HS6ST3: variants seen among roughly 807,000 people sequenced by gnomAD.
The protein encoded by HS6ST3 is heparan sulfate 6-O-sulfotransferase 3, also known as heparan-sulfate 6-O-sulfotransferase 3.
In HS6ST3, 12 loss-of-function variants were observed where a neutral mutation model predicts 36.7. The ratio of observed to expected loss-of-function variants is 0.33; its 90% CI spans 0.21 to 0.53. The LOEUF (loss-of-function observed/expected upper bound fraction) is 0.53, where lower values mean the gene tolerates loss of function less well. HS6ST3 is among the 20% of genes least tolerant of loss of function. The pLI, the probability that HS6ST3 is intolerant of heterozygous loss-of-function variation, is 0.95. For synonymous variants in HS6ST3, 240 were observed against 257.5 expected (o/e 0.93, Z 0.65); for missense variants, 584 against 640.9 (o/e 0.91, Z 0.96).
chr13:96,206,736 TG>T (rs1384837879), intron 1 of HS6ST3, among the ~76,000 whole-genome samples: 2 of 152,216 alleles, frequency 1.3e-5, no homozygotes, highest in African/African-American at 4.8e-5. Context: ...TAAATGGTGC[TG>T]GGACAACTGG....
intron 1 of HS6ST3, among the ~76,000 whole-genome samples, chr13:96,197,593 A>C (rs531487038): frequency 6.6e-6 from 1 of 152,222 alleles, no homozygotes; most frequent in African/African-American, 2.4e-5. Flanking sequence ...ATCTGAGACA[A>C]GGCAAGTCCC....
Position 96,514,136 on chromosome 13 carries a change from G to A in HS6ST3, c.708-318354G>A, listed in dbSNP as rs144347614. Among the ~76,000 whole-genome samples the A allele has an allele frequency of 1.4e-4, 21 of 152,198 alleles. No homozygotes were observed. In the East Asian group the frequency reaches 2.9e-3, roughly 21 times the overall value. On this transcript the variant is annotated intron_variant, in intron 1 of 1. Transcript: ENST00000376705. ...AAATGGTCGCTGTGGATGTGGTATC[G>A]AGAGTAGAGGAACAAGAGCAGAAGA... is the stretch of plus-strand genomic sequence containing the variant.
intron 1 of HS6ST3, among the ~76,000 whole-genome samples, chr13:96,766,625 G>A (rs1167896747): frequency 6.6e-6 from 1 of 152,152 alleles, no homozygotes; most frequent in African/African-American, 2.4e-5. Context: ...AAGAATTGCA[G>A]TTTTCTCTGA....
At chr13:96,729,885 AC>A (rs1876102729) in intron 1 of HS6ST3, among the ~76,000 whole-genome samples, 1 of 152,098 alleles carries the variant, frequency 6.6e-6, no homozygotes, top group Admixed American at 6.5e-5. Context: ...CTTTCCAGTT[AC>A]CTCTTCATTT....
At chr13:96,613,723 G>A (rs1189802002) in intron 1 of HS6ST3, among the ~76,000 whole-genome samples, 1 of 152,008 alleles carries the variant, frequency 6.6e-6, no homozygotes, top group African/African-American at 2.4e-5. Flanking sequence ...CACTGCTATT[G>A]TAAACTCAGC....
chr13:96,561,435 G>C (rs967567582), intron 1 of HS6ST3, among the ~76,000 whole-genome samples: 3 of 152,044 alleles, frequency 2.0e-5, no homozygotes, highest in Non-Finnish European at 4.4e-5. Context: ...AAGAATCCTA[G>C]AAGAAAGCCT....
At chr13:96,266,444 A>G (rs562482958) in intron 1 of HS6ST3, among the ~76,000 whole-genome samples, 1 of 152,330 alleles carries the variant, frequency 6.6e-6, no homozygotes, top group Non-Finnish European at 1.5e-5. Context: ...ACAGCAAGTT[A>G]CTTTTTGTTG....
intron 1 of HS6ST3, among the ~76,000 whole-genome samples, chr13:96,559,272 C>G (rs113150489): frequency 6.6e-6 from 1 of 151,992 alleles, no homozygotes; most frequent in Admixed American, 6.6e-5. Context: ...GCCCCCCCCA[C>G]CACACGTGGC....
chr13:96,350,109 G>T (rs2055174615), intron 1 of HS6ST3, among the ~76,000 whole-genome samples: 1 of 152,180 alleles, frequency 6.6e-6, no homozygotes, highest in South Asian at 2.1e-4. Flanking sequence ...AAATTTCCTT[G>T]CCCAGATTGC....
chr13:96,488,435 TTA>T (rs1312359565), intron 1 of HS6ST3, among the ~76,000 whole-genome samples: 3 of 152,118 alleles, frequency 2.0e-5, no homozygotes, highest in Non-Finnish European at 4.4e-5. Flanking sequence ...GGTAGTTGTA[TTA>T]TATATCAAGG....
intron 1 of HS6ST3, among the ~76,000 whole-genome samples, chr13:96,662,701 A>G (rs1313989018): frequency 2.6e-5 from 4 of 152,134 alleles, no homozygotes; most frequent in Non-Finnish European, 5.9e-5. Flanking sequence ...CAATCTTTTA[A>G]TGGTGCCAGA....
chr13:96,283,470 C>T (rs539733818), intron 1 of HS6ST3, among the ~76,000 whole-genome samples: 1 of 152,244 alleles, frequency 6.6e-6, no homozygotes, highest in Admixed American at 6.5e-5. Flanking sequence ...ACCTGTGAAT[C>T]CCCCCTTCCA....
chr13:96,668,526 G>A (rs1206895877), intron 1 of HS6ST3, among the ~76,000 whole-genome samples: 1 of 151,920 alleles, frequency 6.6e-6, no homozygotes, highest in Non-Finnish European at 1.5e-5. Context: ...GACAAGGCAG[G>A]AAAACCTCAC....
At chr13:96,566,147 A>G (rs968431348) in intron 1 of HS6ST3, among the ~76,000 whole-genome samples, 1 of 152,116 alleles carries the variant, frequency 6.6e-6, no homozygotes, top group Non-Finnish European at 1.5e-5. Context: ...AGAGAAAATT[A>G]AAGAAATTTC....
At chr13:96,544,048 C>CT (rs2056188191) in intron 1 of HS6ST3, among the ~76,000 whole-genome samples, 1 of 151,866 alleles carries the variant, frequency 6.6e-6, no homozygotes, top group Admixed American at 6.6e-5. Flanking sequence ...TCTGAAAAGA[C>CT]CCTAAGGGCA....
At chr13:96,367,808 G>T in intron 1 of HS6ST3, among the ~76,000 whole-genome samples, 1 of 152,168 alleles carries the variant, frequency 6.6e-6, no homozygotes. Context: ...TGTCTTGAGA[G>T]CCAGTAGGTT....
chr13:96,106,714 G>A (rs1194125407), intron 1 of HS6ST3, among the ~76,000 whole-genome samples: 1 of 152,212 alleles, frequency 6.6e-6, no homozygotes, highest in East Asian at 1.9e-4. Context: ...ATTGACAGTT[G>A]AAAGATGGGA....
chr13:96,598,341 G>T (rs2056409532), intron 1 of HS6ST3, among the ~76,000 whole-genome samples: 1 of 152,026 alleles, frequency 6.6e-6, no homozygotes, highest in South Asian at 2.1e-4. Context: ...CCATCTATGA[G>T]TTCTTTCATC....
intron 1 of HS6ST3, among the ~76,000 whole-genome samples, chr13:96,789,750 T>C (rs1377869266): frequency 9.0e-6 from 1 of 111,532 alleles, no homozygotes; most frequent in Non-Finnish European, 1.8e-5. Flanking sequence ...TCCTGGCCTC[T>C]GTGGTTTAGA....
Sources: gnomAD v4.1 joint callset for allele counts (sites outside exome capture counted in the v4.1 genomes callset) on GRCh38, gnomAD v4.1.1 for gene constraint, MANE v1.5 for transcripts, NCBI Gene and HGNC (gene_info 2026-07-23, HGNC 2026-07-21) for gene names.